MINPP1: variants seen among roughly 807,000 people sequenced by gnomAD.
The protein encoded by MINPP1 is multiple inositol-polyphosphate phosphatase 1, also known as multiple inositol polyphosphate phosphatase 1.
Under a neutral mutation model 46.1 loss-of-function variants are expected in MINPP1, and 28 were observed. The observed-to-expected ratio is 0.61, with a 90% CI of 0.45 to 0.83. MINPP1 has a LOEUF of 0.83. Among genes scored for constraint, MINPP1 ranks in the 40% least tolerant of loss-of-function variants. MINPP1 has a pLI of 0.00. For missense variants in MINPP1, 603 were observed against 610.0 expected (o/e 0.99, Z 0.12); for synonymous variants, 268 against 249.1 (o/e 1.08, Z -0.72).
intron 4 of MINPP1, among the ~76,000 whole-genome samples, chr10:87,539,732 T>C (rs956668000): frequency 1.3e-5 from 2 of 152,224 alleles, no homozygotes; most frequent in African/African-American, 2.4e-5. Context: ...TGCCTTTCTT[T>C]AGTACGAAGT....
rs1485394819 is a variant in MINPP1 at position 87,505,142 on chromosome 10, G to A, written c.227G>A (p.Gly76Glu). 3 of 1,611,586 alleles carry A rather than the reference G, an allele frequency of 1.9e-6. No homozygotes were observed. Among genetic ancestry groups the A allele is most frequent in the Admixed American group, 1.7e-5 (1 of 59,706 alleles). ...APWRDPELLEGTCTPVQLVAL... is the reference protein window; with the variant it reads ...APWRDPELLEETCTPVQLVAL... ...TGGCGGGACCCTGAGCTGCTGGAGG[G>A]GACCTGCACCCCGGTGCAGCTGGTC... Residue 76 changes from glycine to glutamate, a missense_variant, in exon 1 of 5, where the codon GGG becomes GAG. Coordinates refer to ENST00000371996, the MANE Select transcript of MINPP1 (RefSeq NM_004897.5). The surrounding 1 kb of genome is among the most constrained non-coding windows in gnomAD (Gnocchi z 4.4).
At chr10:87,525,799 T>C (rs922596414) in intron 4 of MINPP1, among the ~76,000 whole-genome samples, 11 of 152,230 alleles carry the variant, frequency 7.2e-5, no homozygotes, top group African/African-American at 2.7e-4. Flanking sequence ...AGTGAAAACA[T>C]GCAGTGCTTG....
intron 4 of MINPP1, among the ~76,000 whole-genome samples, chr10:87,534,047 T>G (rs1171243606): frequency 3.3e-4 from 43 of 131,666 alleles, no homozygotes; most frequent in African/African-American, 1.3e-3. Flanking sequence ...TAAATATTTT[T>G]TTTTTTTTTT....
chr10:87,509,840 T>C (rs1851310088), intron 2 of MINPP1: 1 of 185,106 alleles, frequency 5.4e-6, no homozygotes, highest in Admixed American at 5.8e-5. Flanking sequence ...TGTATTTCAT[T>C]CTACATCTAT....
At position 87,505,784 on chromosome 10, in the gene MINPP1, C is replaced by T. The variant is rs895309134; in HGVS notation, c.637+232C>T. On this transcript the variant is annotated intron_variant, in intron 1 of 4. Coordinates refer to ENST00000371996, the MANE Select transcript of MINPP1 (RefSeq NM_004897.5). This position sits in a 1 kb window ranked among gnomAD's most constrained non-coding sequence, Gnocchi z 4.4. ...ATTAATTCATCAGGTGTAAATTCAG[C>T]ACCTTGTACTCGCTGCCTGCTTTAG... 6.6e-6 allele frequency among the ~76,000 whole-genome samples: 1 copy of T among 152,160 alleles called. No homozygotes were observed. Among genetic ancestry groups the T allele is most frequent in the Non-Finnish European group, 1.5e-5 (1 of 68,032 alleles).
At chr10:87,534,680 T>A (rs1347830294) in intron 4 of MINPP1, among the ~76,000 whole-genome samples, 1 of 152,210 alleles carries the variant, frequency 6.6e-6, no homozygotes, top group Non-Finnish European at 1.5e-5. Flanking sequence ...AGGCAAATCT[T>A]GTTTCAGTTA....
chr10:87,528,500 T>G (rs1851610563), intron 4 of MINPP1, among the ~76,000 whole-genome samples: 1 of 152,242 alleles, frequency 6.6e-6, no homozygotes, highest in Admixed American at 6.5e-5. Context: ...TTGTTCAGTT[T>G]CCATGTAGTT....
Position 87,552,352 on chromosome 10 carries a change from T to A in MINPP1, c.1338T>A (p.Ala446=), listed in dbSNP as rs777981745. ...TAAATGAAAAGGTGTTACCTTTGGC[T>A]TACTCACAAGAAACTGTTTCATTTT... ...MLLNEKVLPL[A]YSQETVSFYE... is the part of the protein sequence containing the mutation. Residue 446 remains alanine, a synonymous_variant, in exon 5 of 5, where the codon GCT becomes GCA. Transcript: ENST00000371996. 4 of 1,613,646 alleles carry A rather than the reference T, an allele frequency of 2.5e-6. No individual in the cohort carries two copies. The South Asian group carries it at 3.3e-5, about 13-fold the overall frequency.
intron 4 of MINPP1, among the ~76,000 whole-genome samples, chr10:87,522,661 C>G (rs576476670): frequency 6.6e-6 from 1 of 152,292 alleles, no homozygotes; most frequent in South Asian, 2.1e-4. Context: ...GAGTTGTAAT[C>G]TTTTTGCAGG....
chr10:87,511,197 C>G (rs1395491852), intron 2 of MINPP1, among the ~76,000 whole-genome samples: 1 of 152,070 alleles, frequency 6.6e-6, no homozygotes, highest in South Asian at 2.1e-4. Context: ...TTAATTCTGC[C>G]TGACAAAGGA....
intron 4 of MINPP1, among the ~76,000 whole-genome samples, chr10:87,531,609 T>A (rs576482033): frequency 2.0e-4 from 30 of 152,294 alleles, no homozygotes; most frequent in Admixed American, 7.2e-4. Context: ...AAAAGAGGAA[T>A]GAAGAATGCC....
chr10:87,537,701 C>G (rs1851757490), intron 4 of MINPP1, among the ~76,000 whole-genome samples: 1 of 151,974 alleles, frequency 6.6e-6, no homozygotes, highest in South Asian at 2.1e-4. Context: ...TATATGTACC[C>G]TGTGTATTTT....
Position 87,552,624 on chromosome 10 carries a change from T to C in MINPP1, c.*146T>C, listed in dbSNP as rs1589389385. On this transcript the variant is annotated 3_prime_UTR_variant, in exon 5 of 5. Coordinates refer to ENST00000371996, the MANE Select transcript of MINPP1 (RefSeq NM_004897.5). ...CACAGAAAAACATTGGGTTTCTCTC[T>C]GGGTTTGGACATGAAATGTAAGAAA... is the stretch of plus-strand genomic sequence containing the variant. 2 of 824,686 alleles carry C rather than the reference T, an allele frequency of 2.4e-6. No individual in the cohort carries two copies. Among genetic ancestry groups the C allele is most frequent in the East Asian group, 5.2e-5 (2 of 38,202 alleles). The allele number at this position is 824,686 out of a possible 1,614,324, so 51.1% of individuals were successfully genotyped here. A position where few individuals can be genotyped will look rare whatever the true frequency, so the allele number is the denominator to read the frequency against.
chr10:87,511,019 G>A (rs1851326974), intron 2 of MINPP1, among the ~76,000 whole-genome samples: 1 of 152,046 alleles, frequency 6.6e-6, no homozygotes, highest in Non-Finnish European at 1.5e-5. Flanking sequence ...TTAATTTGCA[G>A]TTCTTTGATT....
chr10:87,546,372 T>C (rs544872766), intron 4 of MINPP1, among the ~76,000 whole-genome samples: 25 of 152,278 alleles, frequency 1.6e-4, no homozygotes, highest in African/African-American at 5.8e-4. Flanking sequence ...GTGAGGATCA[T>C]TGAGGATGAG....
chr10:87,521,683 T>A (rs1324786428), intron 4 of MINPP1, among the ~76,000 whole-genome samples: 1 of 152,224 alleles, frequency 6.6e-6, no homozygotes, highest in Non-Finnish European at 1.5e-5. Context: ...TATTCAATAA[T>A]GTGAATATAC....
intron 1 of MINPP1, 71 bp from the exon 2 acceptor site, chr10:87,508,265 A>T (rs913916487): frequency 6.3e-7 from 1 of 1,583,738 alleles, no homozygotes. Context: ...CACACTTAAC[A>T]TTTTCAATAA....
At chr10:87,529,785 A>G (rs927707670) in intron 4 of MINPP1, among the ~76,000 whole-genome samples, 1 of 152,202 alleles carries the variant, frequency 6.6e-6, no homozygotes, top group Non-Finnish European at 1.5e-5. Context: ...CCTGGATAAC[A>G]TCCTGAATAG....
chr10:87,532,864 C>T (rs1031740767), intron 4 of MINPP1, among the ~76,000 whole-genome samples: 3 of 152,116 alleles, frequency 2.0e-5, no homozygotes, highest in African/African-American at 7.2e-5. Flanking sequence ...ACAGAGAGTT[C>T]CTACTTACTG....
Sources: gnomAD v4.1 joint callset for allele counts (sites outside exome capture counted in the v4.1 genomes callset) on GRCh38, gnomAD v4.1.1 for gene constraint, Gnocchi (gnomAD v3.1) non-coding constraint, MANE v1.5 for transcripts, NCBI Gene and HGNC (gene_info 2026-07-23, HGNC 2026-07-21) for gene names.